The following ACTN4 variants were observed in gnomAD, a reference collection of about 807,000 sequenced individuals.
ACTN4 encodes alpha-actinin-4.
Under a neutral mutation model 114.2 loss-of-function variants are expected in ACTN4, and 18 were observed. The observed-to-expected ratio is 0.16, with a 90% CI of 0.11 to 0.23. The LOEUF is 0.23. ACTN4 is among the 10% of genes least tolerant of loss of function. The pLI is 1.00. For synonymous variants in ACTN4, 515 were observed against 506.3 expected (o/e 1.02, Z -0.23); for missense variants, 722 against 1,262.9 (o/e 0.57, Z 6.49).
intron 1 of ACTN4, among the ~76,000 whole-genome samples, chr19:38,655,312 A>G (rs994774213): frequency 2.6e-5 from 4 of 152,168 alleles, no homozygotes; most frequent in African/African-American, 4.8e-5. Flanking sequence ...CCCAGGCTTG[A>G]GGCCTGCTCC....
chr19:38,662,376 C>T (rs191669849), intron 1 of ACTN4, among the ~76,000 whole-genome samples: 2 of 152,180 alleles, frequency 1.3e-5, no homozygotes, highest in African/African-American at 2.4e-5. Context: ...AGCCTTAGCA[C>T]TGATGATTTG....
In ACTN4 at chr19:38,730,106, A is replaced by G. The variant is rs1374781436; in HGVS notation, c.*674A>G. 6.7e-6 allele frequency: 1 copy of G among 149,284 alleles called. No homozygotes were observed. Among genetic ancestry groups the G allele is most frequent in the Non-Finnish European group, 1.5e-5 (1 of 67,426 alleles). 9.2% of individuals were successfully genotyped at this position (149,284 alleles called of 1,614,324 possible). ...TCTAAGAACCAAAAAAAAAAAAGGA[A>G]AAAAAACACAAAACAACAAAAACCA... On this transcript the variant is annotated 3_prime_UTR_variant, in exon 21 of 21. Coordinates refer to ENST00000252699, the MANE Select transcript of ACTN4 (RefSeq NM_004924.6).
intron 12 of ACTN4, among the ~76,000 whole-genome samples, chr19:38,723,129 C>T (rs1969104145): frequency 6.6e-6 from 1 of 152,194 alleles, no homozygotes; most frequent in African/African-American, 2.4e-5. Flanking sequence ...TGCCCAGGGT[C>T]ACACAGCAAG....
chr19:38,685,158 A>T (rs534470852), intron 1 of ACTN4, among the ~76,000 whole-genome samples: 1 of 152,016 alleles, frequency 6.6e-6, no homozygotes, highest in Non-Finnish European at 1.5e-5. Flanking sequence ...GTTGACCGGG[A>T]TGGTCTCGAA....
Position 38,729,430 on chromosome 19 carries a change from T to A in ACTN4, c.2734T>A (p.Ter912ArgextTer153). 1 of 1,612,764 alleles carries A rather than the reference T, an allele frequency of 6.2e-7. No individual in the cohort carries two copies. Among genetic ancestry groups the A allele is most frequent in the Non-Finnish European group, 8.5e-7 (1 of 1,179,942 alleles). Residue 912 changes from the stop codon to arginine (R), a stop_lost, in exon 21 of 21, where the codon TGA becomes AGA. Transcript: ENST00000252699. ...STALYGESDL[*>R] ...GGCCTTGTATGGCGAGAGCGACCTG[T>A]GAGGCCCCAGAGACCTGACCCAACA...
chr19:38,655,767 C>T (rs964178425), intron 1 of ACTN4, among the ~76,000 whole-genome samples: 1 of 152,146 alleles, frequency 6.6e-6, no homozygotes, highest in Non-Finnish European at 1.5e-5. Flanking sequence ...CCTTATATAC[C>T]AAAATCCACA....
chr19:38,723,985 G>A lies in ACTN4; in HGVS notation c.1600G>A (p.Ala534Thr), dbSNP rs1265692291. 3.1e-6 allele frequency: 5 copies of A among 1,613,414 alleles called. No individual in the cohort carries two copies. The highest frequency in any genetic ancestry group is 1.3e-5 in the African/African-American group (1 of 74,766). ...EAIDQLHLEYAKRAAPFNNWM... is the reference protein window; with the variant it reads ...EAIDQLHLEYTKRAAPFNNWM... ...CATCGACCAGCTGCACCTGGAATAC[G>A]CCAAGCGCGCGGCCCCCTTCAACAA... Residue 534 changes from alanine to threonine, a missense_variant, in exon 14 of 21, where the codon GCC becomes ACC. Ala to Thr is a moderately conservative substitution (Grantham distance 58). Around this residue, in one of 3 missense-constraint regions of ACTN4, gnomAD observed 523 missense variants for 875.9 expected, o/e 0.60. Coordinates refer to ENST00000252699, the MANE Select transcript of ACTN4 (RefSeq NM_004924.6).
In ACTN4 at chr19:38,717,460, G is replaced by A. The variant is rs1157143406; in HGVS notation, c.1143+144G>A. 14 of 1,155,418 alleles carry A rather than the reference G, an allele frequency of 1.2e-5. No individual in the cohort carries two copies. Among genetic ancestry groups the A allele is most frequent in the Non-Finnish European group, 1.7e-5 (14 of 811,074 alleles). The allele number at this position is 1,155,418 out of a possible 1,614,324, so 71.6% of individuals were successfully genotyped here. A position where few individuals can be genotyped will look rare whatever the true frequency, so the allele number is the denominator to read the frequency against. ...CATGGCCTTTCGGATGCAGTGGTCG[G>A]GGAGGGGTGCACTTCACTCGGCATT... On this transcript the variant is annotated intron_variant, in intron 10 of 20. Transcript: ENST00000252699. The surrounding 1 kb of genome is among the most constrained non-coding windows in gnomAD (Gnocchi z 4.0).
chr19:38,682,186 T>A (rs992100103), intron 1 of ACTN4, among the ~76,000 whole-genome samples: 2 of 152,110 alleles, frequency 1.3e-5, no homozygotes, highest in Admixed American at 1.3e-4. Context: ...CAACTGCTTT[T>A]CTTTTTTCTT....
chr19:38,660,219 G>T (rs2144845677), intron 1 of ACTN4, among the ~76,000 whole-genome samples: 1 of 152,150 alleles, frequency 6.6e-6, no homozygotes, highest in East Asian at 1.9e-4. Context: ...ACCGCCCCCA[G>T]CCTTATTTCT....
chr19:38,707,271 G>A (rs1417027917), intron 5 of ACTN4, among the ~76,000 whole-genome samples: 2 of 151,476 alleles, frequency 1.3e-5, no homozygotes, highest in African/African-American at 2.4e-5. Flanking sequence ...TAGCATGCCC[G>A]CTGCATGCCG....
intron 1 of ACTN4, among the ~76,000 whole-genome samples, chr19:38,691,051 G>A (rs74878936): frequency 0.056 from 8,544 of 152,240 alleles, 253 homozygotes; most frequent in South Asian, 0.096. Flanking sequence ...AGCTTATGCT[G>A]CACTTGGGAG....
chr19:38,722,882 G>A (rs940028826), intron 12 of ACTN4, among the ~76,000 whole-genome samples: 7 of 152,170 alleles, frequency 4.6e-5, no homozygotes, highest in African/African-American at 1.2e-4. Context: ...CTCTCTGGAC[G>A]GTAGCCCTGA....
In ACTN4 at chr19:38,731,025, T is replaced by C. The variant is rs537271090; in HGVS notation, c.*1593T>C. On this transcript the variant is annotated 3_prime_UTR_variant, in exon 21 of 21. Transcript: ENST00000252699. ...CATCCAGGTGCTGGCTGCAGTGGCC[T>C]GTGCAGAGAGGGGCAGGGTGAGTGC... The C allele has an allele frequency of 1.1e-5, 17 of 1,554,952 alleles. No homozygotes were observed. In the East Asian group the frequency reaches 4.1e-4, roughly 38 times the overall value.
Position 38,675,407 on chromosome 19 carries a change from A to AT in ACTN4, c.163-25185dup, listed in dbSNP as rs560758702. On this transcript the variant is annotated intron_variant, in intron 1 of 20. Transcript: ENST00000252699. The stretch of plus-strand genomic sequence containing the variant: ...AGTGATTCTCCTGCCTTATTTTTTG[A>AT]TTTTTTTTGTAGAGGTGAGGTCTCA... Among the ~76,000 whole-genome samples, 378 of 151,544 alleles carry AT rather than the reference A, an allele frequency of 2.5e-3. 3 individuals carry two copies. Among genetic ancestry groups the AT allele is most frequent in the African/African-American group, 8.5e-3 (351 of 41,268 alleles).
chr19:38,693,152 A>G (rs1174099661), intron 1 of ACTN4, among the ~76,000 whole-genome samples: 2 of 151,942 alleles, frequency 1.3e-5, no homozygotes, highest in African/African-American at 4.8e-5. Context: ...TTTTTCTAAA[A>G]TCTTGTCAAG....
intron 1 of ACTN4, among the ~76,000 whole-genome samples, chr19:38,662,890 T>C (rs79197735): frequency 0.02 from 2,987 of 151,522 alleles, 137 homozygotes; most frequent in South Asian, 0.15. Flanking sequence ...AATTAGGGGC[T>C]GCTGAGCAAA....
intron 9 of ACTN4, among the ~76,000 whole-genome samples, chr19:38,714,869 G>A (rs145161086): frequency 8.5e-4 from 130 of 152,354 alleles, no homozygotes; most frequent in Non-Finnish European, 1.4e-3. Flanking sequence ...GGGGAGCTTT[G>A]TGAAAGCCCC....
intron 1 of ACTN4, among the ~76,000 whole-genome samples, chr19:38,661,695 C>T (rs1976890966): frequency 6.6e-6 from 1 of 152,046 alleles, no homozygotes; most frequent in South Asian, 2.1e-4. Context: ...CTCTGTTGCC[C>T]AGGCTGGAGT....
Sources: allele counts gnomAD v4.1 joint callset (sites outside exome capture counted in the v4.1 genomes callset), GRCh38; gene constraint gnomAD v4.1.1; regional missense constraint gnomAD v4.1.1; non-coding constraint Gnocchi (gnomAD v3.1); transcripts MANE v1.5; gene names NCBI Gene and HGNC (gene_info 2026-07-23, HGNC 2026-07-21).